Variants in COL6A3 observed in about 807,000 individuals in gnomAD.
COL6A3 encodes the protein collagen type VI alpha 3 chain.
Under a neutral mutation model 274.1 loss-of-function variants are expected in COL6A3, and 137 were observed. The ratio of observed to expected loss-of-function variants is 0.50; its 90% CI spans 0.44 to 0.58. The LOEUF is 0.58. COL6A3 is among the 20% of genes least tolerant of loss of function. The pLI is 0.00. For missense variants in COL6A3, 3,950 were observed against 4,124.9 expected (o/e 0.96, Z 1.16); for synonymous variants, 1,650 against 1,650.6 (o/e 1.00, Z 0.01).
In COL6A3 at chr2:237,388,084, C is replaced by A. The variant is rs964222724; in HGVS notation, c.810G>T (p.Glu270Asp). The change falls in exon 4 of 44, where the codon GAG becomes GAT. Residue 270 changes from glutamate to aspartate, a missense_variant. Around this residue, in one of 5 missense-constraint regions of COL6A3, gnomAD observed 1,934 missense variants for 1,984.3 expected, o/e 0.97. Transcript: ENST00000295550. ...VILDFLVNLL[E>D]KLPIGTQQIR... ...TCTGCTGAGTTCCAATTGGGAGTTTCTCAAGGAGATTTACAAGGAAGTCGA... is the reference window on the plus strand; with the variant it reads ...TCTGCTGAGTTCCAATTGGGAGTTTATCAAGGAGATTTACAAGGAAGTCGA... 1.2e-6 allele frequency: 2 copies of A among 1,614,080 alleles called. No homozygotes were observed. Among genetic ancestry groups the A allele is most frequent in the African/African-American group, 2.7e-5 (2 of 74,922 alleles).
intron 3 of COL6A3, among the ~76,000 whole-genome samples, chr2:237,393,973 G>T (rs753539485): frequency 4.6e-5 from 7 of 152,194 alleles, no homozygotes; most frequent in Non-Finnish European, 8.8e-5. Context: ...GAAATAAGAA[G>T]ACCAGACCCA....
Position 237,366,911 on chromosome 2 carries a change from G to A in COL6A3, c.5276C>T (p.Ala1759Val), listed in dbSNP as rs150200531. Residue 1759 changes from alanine (A) to valine (V), a missense_variant, in exon 11 of 44, where the codon GCA becomes GTA. Coordinates refer to ENST00000295550, the MANE Select transcript of COL6A3 (RefSeq NM_004369.4). ...VITGGKSVED[A>V]QDVSLALTQR... ...GGTGAGGGCCAGGCTCACATCCTGT[G>A]CATCTTCCACCGACTTTCCTCCCGT... 1.2e-6 allele frequency: 2 copies of A among 1,614,108 alleles called. No individual in the cohort carries two copies. Among genetic ancestry groups the A allele is most frequent in the African/African-American group, 2.7e-5 (2 of 74,928 alleles).
Position 237,378,523 on chromosome 2 carries a change from G to A in COL6A3, c.2497+113C>T, listed in dbSNP as rs1489152520. On this transcript the variant is annotated intron_variant, in intron 6 of 43. Transcript: ENST00000295550. Reference sequence around the variant, plus strand: ...CCATTCAAACTATTTCAATGGAAGGGAGCCAATTGTCTTTGTACAGTCCAC... The same window carrying A: ...CCATTCAAACTATTTCAATGGAAGGAAGCCAATTGTCTTTGTACAGTCCAC... The A allele has an allele frequency of 3.4e-6, 5 of 1,480,744 alleles. No homozygotes were observed. In the South Asian group the frequency reaches 4.6e-5, roughly 14 times the overall value. The allele number at this position is 1,480,744 out of a possible 1,614,324, so 91.7% of individuals were successfully genotyped here. A position where few individuals can be genotyped will look rare whatever the true frequency, so the allele number is the denominator to read the frequency against.
At chr2:237,391,038 G>T (rs1482696723) in intron 3 of COL6A3, among the ~76,000 whole-genome samples, 1 of 152,140 alleles carries the variant, frequency 6.6e-6, no homozygotes, top group Non-Finnish European at 1.5e-5. Flanking sequence ...ACTCTATGGG[G>T]AAGTTACCCA....
chr2:237,368,126 G>A lies in COL6A3; in HGVS notation c.4900+437C>T, dbSNP rs1353432166. ...ACCAGGAGCACGGGGTAGAAGCTGAGGTGGACGACTGCAAGTCTTCCAGGA... is the reference window on the plus strand; with the variant it reads ...ACCAGGAGCACGGGGTAGAAGCTGAAGTGGACGACTGCAAGTCTTCCAGGA... On this transcript the variant is annotated intron_variant, in intron 10 of 43. Transcript: ENST00000295550. The surrounding 1 kb of genome is among the most constrained non-coding windows in gnomAD (Gnocchi z 4.4). Among the ~76,000 whole-genome samples, 2 of 152,228 alleles carry A rather than the reference G, an allele frequency of 1.3e-5. No individual in the cohort carries two copies. Among genetic ancestry groups the A allele is most frequent in the African/African-American group, 2.4e-5 (1 of 41,452 alleles).
rs1559243458 is a variant in COL6A3, at chr2:237,371,328, G to T, written c.4285+404C>A. ...AGAACATAAAGGTGCTGGGCGCGGT[G>T]TCTCAGGCCTGTAATCCCAGCACTT... is the stretch of plus-strand genomic sequence containing the variant. On this transcript the variant is annotated intron_variant, in intron 9 of 43. Coordinates refer to ENST00000295550, the MANE Select transcript of COL6A3 (RefSeq NM_004369.4). This position sits in a 1 kb window ranked among gnomAD's most constrained non-coding sequence, Gnocchi z 4.3. Among the ~76,000 whole-genome samples, 2 of 152,174 alleles carry T rather than the reference G, an allele frequency of 1.3e-5. No homozygotes were observed. Among genetic ancestry groups the T allele is most frequent in the Non-Finnish European group, 2.9e-5 (2 of 68,036 alleles).
chr2:237,347,893 C>T (rs1457438662), intron 30 of COL6A3, 24 bp from the exon 31 acceptor site: 2 of 1,599,178 alleles, frequency 1.3e-6, no homozygotes, highest in African/African-American at 2.7e-5. Flanking sequence ...CGAGAAGTGG[C>T]ACAGTAAGCT....
chr2:237,349,515 G>A (rs1428226691), intron 28 of COL6A3, among the ~76,000 whole-genome samples: 1 of 152,204 alleles, frequency 6.6e-6, no homozygotes, highest in Non-Finnish European at 1.5e-5. Flanking sequence ...TTTGATGCTT[G>A]GAATTAAAAC....
chr2:237,402,211 G>A (rs2078608587), intron 1 of COL6A3, among the ~76,000 whole-genome samples: 1 of 152,128 alleles, frequency 6.6e-6, no homozygotes, highest in African/African-American at 2.4e-5. Context: ...AATGGTGTTG[G>A]CCATGGGCTG....
At chr2:237,409,337 G>C (rs369815992) in intron 1 of COL6A3, among the ~76,000 whole-genome samples, 94 of 152,054 alleles carry the variant, frequency 6.2e-4, no homozygotes, top group Middle Eastern at 3.4e-3. Context: ...GGGTACATGT[G>C]CACAACATGC....
intron 14 of COL6A3, 56 bp downstream of exon 14, chr2:237,363,197 G>A (rs954304490): frequency 1.9e-4 from 290 of 1,556,988 alleles, no homozygotes; most frequent in Non-Finnish European, 2.4e-4. Context: ...CTCTTGAAAT[G>A]CCAAAAGGTG....
chr2:237,389,253 T>G (rs2078229797), intron 3 of COL6A3, among the ~76,000 whole-genome samples: 1 of 152,164 alleles, frequency 6.6e-6, no homozygotes, highest in South Asian at 2.1e-4. Context: ...GGCCAGAGAT[T>G]TCACAGCATC....
At position 237,374,920 on chromosome 2, in the gene COL6A3, G is replaced by T. The variant is rs754410028; in HGVS notation, c.3171C>A (p.Ser1057Arg). ...LKEFVQRVVE[S>R]LDVGQDRVRV... is the part of the protein sequence containing the mutation. The stretch of plus-strand genomic sequence containing the variant: ...GGACCCGGTCCTGGCCCACATCCAG[G>T]CTTTCCACCACTCTCTGGACAAACT... Residue 1057 changes from serine to arginine, a missense_variant, in exon 8 of 44, where the codon AGC (serine) becomes AGA (arginine). Ser to Arg is a moderately radical substitution (Grantham distance 110, BLOSUM62 -1). Transcript: ENST00000295550. This position sits in a 1 kb window ranked among gnomAD's most constrained non-coding sequence, Gnocchi z 4.8. 6.2e-6 allele frequency: 10 copies of T among 1,613,780 alleles called. No individual in the cohort carries two copies. In the African/African-American group the frequency reaches 1.3e-4, roughly 22 times the overall value.
Position 237,367,238 on chromosome 2 carries a change from A to C in COL6A3, c.4949T>G (p.Phe1650Cys), listed in dbSNP as rs763123553. Reference sequence around the variant, plus strand: ...CACTTCCTGGAAACTGTCCCTCCTGAAGTTGATGGAACCATCCAACAGGAA... The same window carrying C: ...CACTTCCTGGAAACTGTCCCTCCTGCAGTTGATGGAACCATCCAACAGGAA... ...IVFLLDGSIN[F>C]RRDSFQEVLR... Residue 1650 changes from phenylalanine (F) to cysteine (C), a missense_variant, in exon 11 of 44, where the codon TTC becomes TGC. Physicochemically the swap from Phe to Cys is radical, Grantham distance 205. This residue lies in a region of COL6A3 where 632 missense variants were observed against 623.4 expected (regional missense o/e 1.01). Transcript: ENST00000295550. 1 of 1,613,986 alleles carries C rather than the reference A, an allele frequency of 6.2e-7. No homozygotes were observed. The highest frequency in any genetic ancestry group is 8.5e-7 in the Non-Finnish European group (1 of 1,179,858).
chr2:237,404,308 T>C (rs1172798287), intron 1 of COL6A3, among the ~76,000 whole-genome samples: 1 of 152,164 alleles, frequency 6.6e-6, no homozygotes, highest in Non-Finnish European at 1.5e-5. Flanking sequence ...GGTCCATGTT[T>C]GTATGTGATT....
intron 4 of COL6A3, among the ~76,000 whole-genome samples, chr2:237,385,145 T>A (rs2078113210): frequency 6.6e-6 from 1 of 152,218 alleles, no homozygotes; most frequent in Admixed American, 6.5e-5. Context: ...ATGCAACTTA[T>A]CATGCTCAGA....
chr2:237,388,277 A>G, intron 3 of COL6A3, 93 bp from the exon 4 acceptor site: 2 of 1,513,988 alleles, frequency 1.3e-6, no homozygotes, highest in Non-Finnish European at 1.8e-6. Flanking sequence ...TTGGAAACCA[A>G]TAAGAAACAC....
Position 237,366,880 on chromosome 2 carries a change from C to T in COL6A3, c.5307G>A (p.Arg1769=), listed in dbSNP as rs755698278. 11 of 1,614,124 alleles carry T rather than the reference C, an allele frequency of 6.8e-6. No homozygotes were observed. Among genetic ancestry groups the T allele is most frequent in the South Asian group, 6.6e-5 (6 of 91,090 alleles). Residue 1769 remains arginine, a synonymous_variant, in exon 11 of 44, where the codon AGG becomes AGA. Coordinates refer to ENST00000295550, the MANE Select transcript of COL6A3 (RefSeq NM_004369.4). ...CTCCAACAGCAAACACTTTGACCCC[C>T]CTCTGGGTGAGGGCCAGGCTCACAT... ...AQDVSLALTQ[R]GVKVFAVGVR...
At chr2:237,335,777 GT>G (rs1173773383) in intron 40 of COL6A3, among the ~76,000 whole-genome samples, 2 of 152,170 alleles carry the variant, frequency 1.3e-5, no homozygotes, top group African/African-American at 4.8e-5. Flanking sequence ...CAACTGCAGC[GT>G]TTTTCTTTCT....
Sources: allele counts gnomAD v4.1 joint callset (sites outside exome capture counted in the v4.1 genomes callset), GRCh38; gene constraint gnomAD v4.1.1; regional missense constraint gnomAD v4.1.1; non-coding constraint Gnocchi (gnomAD v3.1); transcripts MANE v1.5; gene names NCBI Gene and HGNC (gene_info 2026-07-23, HGNC 2026-07-21).